The following ADAMTS20 variants were observed in gnomAD, a reference collection of about 807,000 sequenced individuals.
The protein encoded by ADAMTS20 is A disintegrin and metalloproteinase with thrombospondin motifs 20.
ADAMTS20 carries 225 observed loss-of-function variants against 260.1 expected under a neutral mutation model. The ratio of observed to expected loss-of-function variants is 0.87; its 90% CI spans 0.78 to 0.97. The LOEUF is 0.97. Among genes scored for constraint, ADAMTS20 ranks in the 50% least tolerant of loss-of-function variants. The pLI, the probability that ADAMTS20 is intolerant of heterozygous loss-of-function variation, is 0.00. For synonymous variants in ADAMTS20, 802 were observed against 769.5 expected, an observed-to-expected ratio of 1.04 and a Z score of -0.70; for missense variants, 2,400 against 2,337.7, an observed-to-expected ratio of 1.03 and a Z score of -0.55.
intron 11 of ADAMTS20, 107 bp from the exon 12 acceptor site, chr12:43,454,159 T>A (rs1008571164): frequency 8.0e-7 from 1 of 1,253,504 alleles, no homozygotes; most frequent in Non-Finnish European, 1.1e-6. Flanking sequence ...ACTAAACAAT[T>A]TGAAGCTAGC....
At chr12:43,441,397 T>G (rs1941663514) in intron 16 of ADAMTS20, among the ~76,000 whole-genome samples, 1 of 151,968 alleles carries the variant, frequency 6.6e-6, no homozygotes, top group Admixed American at 6.6e-5. Flanking sequence ...AAATATAAAA[T>G]TACATGTCAC....
intron 3 of ADAMTS20, among the ~76,000 whole-genome samples, chr12:43,516,508 G>A (rs2137473088): frequency 6.6e-6 from 1 of 152,326 alleles, no homozygotes; most frequent in Admixed American, 6.5e-5. Flanking sequence ...AGGAGCTACA[G>A]GGCTGATTAG....
At chr12:43,354,342 GGTATCT>G (rs1939699340) in intron 38 of ADAMTS20, 44 bp from the exon 39 acceptor site, 1 of 1,415,504 alleles carries the variant, frequency 7.1e-7, no homozygotes, top group Admixed American at 2.0e-5. Flanking sequence ...TATACAAGCT[GGTATCT>G]GTATGCAAAT....
chr12:43,377,796 G>A (rs567132426), intron 31 of ADAMTS20, among the ~76,000 whole-genome samples: 1 of 140,880 alleles, frequency 7.1e-6, no homozygotes, highest in South Asian at 2.2e-4. Context: ...TAGTGCCTGT[G>A]TGTGCGTGTG....
intron 3 of ADAMTS20, among the ~76,000 whole-genome samples, chr12:43,504,116 G>T (rs868066736): frequency 6.6e-6 from 1 of 152,076 alleles, no homozygotes; most frequent in African/African-American, 2.4e-5. Context: ...TCTGTTTTTA[G>T]TTCTTTGAGG....
chr12:43,470,418 T>G (rs544287874), intron 7 of ADAMTS20, among the ~76,000 whole-genome samples: 3 of 152,298 alleles, frequency 2.0e-5, no homozygotes, highest in South Asian at 4.1e-4. Context: ...TGTAAAAATA[T>G]GTATCAAATA....
chr12:43,358,470 C>T (rs1215196679), intron 37 of ADAMTS20, among the ~76,000 whole-genome samples: 1 of 152,152 alleles, frequency 6.6e-6, no homozygotes, highest in Non-Finnish European at 1.5e-5. Flanking sequence ...GACTGGCAGA[C>T]ATGGTGTCAA....
At chr12:43,486,337 C>T (rs1466028577) in intron 7 of ADAMTS20, among the ~76,000 whole-genome samples, 1 of 152,084 alleles carries the variant, frequency 6.6e-6, no homozygotes, top group East Asian at 1.9e-4. Context: ...AAAGAATACC[C>T]TATTTAATAA....
Position 43,532,112 on chromosome 12 carries a change from G to A in ADAMTS20, c.537C>T (p.His179=). 1 of 1,612,374 alleles carries A rather than the reference G, an allele frequency of 6.2e-7. No individual in the cohort carries two copies. ...GTCTGTATATAAGATGTGGCTTGTT[G>A]TGACCATCTTCATATTCATTCCCAT... ...KADGNEYEDG[H]NKPHLIYRQD... is the part of the protein sequence containing the mutation. The change falls in exon 3 of 39, where the codon CAC becomes CAT. Residue 179 remains histidine, a synonymous_variant. Coordinates refer to ENST00000389420, the MANE Select transcript of ADAMTS20 (RefSeq NM_025003.5).
At chr12:43,451,010 CA>C (rs1353280628) in intron 14 of ADAMTS20, among the ~76,000 whole-genome samples, 4 of 152,000 alleles carry the variant, frequency 2.6e-5, no homozygotes, top group Non-Finnish European at 5.9e-5. Context: ...TCACAATAGC[CA>C]AAATATGAAA....
intron 11 of ADAMTS20, among the ~76,000 whole-genome samples, chr12:43,458,459 G>A (rs1434579364): frequency 6.6e-6 from 1 of 152,104 alleles, no homozygotes; most frequent in African/African-American, 2.4e-5. Context: ...CAGCTAAAAT[G>A]TCCTCCTTGC....
chr12:43,507,870 A>G (rs923294639), intron 3 of ADAMTS20, among the ~76,000 whole-genome samples: 24 of 152,196 alleles, frequency 1.6e-4, no homozygotes, highest in African/African-American at 5.3e-4. Flanking sequence ...ATTATCCTTA[A>G]CAATCTAATG....
chr12:43,508,851 A>G (rs1333580610), intron 3 of ADAMTS20, among the ~76,000 whole-genome samples: 1 of 152,082 alleles, frequency 6.6e-6, no homozygotes, highest in African/African-American at 2.4e-5. Flanking sequence ...TATTCATTCT[A>G]TCTAACTAGG....
chr12:43,502,247 G>A lies in ADAMTS20; in HGVS notation c.772C>T (p.Pro258Ser). ...GTAACCATAATTTCAATGTATCTTG[G>A]ATATGATATAAGACGTTTTTTCCTG... is the stretch of plus-strand genomic sequence containing the variant. ...HSRKKRLISY[P>S]RYIEIMVTAD... The change falls in exon 4 of 39, where the codon CCA (proline) becomes TCA (serine). Residue 258 changes from proline to serine, a missense_variant. Transcript: ENST00000389420. 3 of 1,611,646 alleles carry A rather than the reference G, an allele frequency of 1.9e-6. No individual in the cohort carries two copies. The highest frequency in any genetic ancestry group is 2.5e-6 in the Non-Finnish European group (3 of 1,179,182).
chr12:43,386,072 C>T (rs1940469822), intron 29 of ADAMTS20, among the ~76,000 whole-genome samples: 1 of 152,046 alleles, frequency 6.6e-6, no homozygotes, highest in South Asian at 2.1e-4. Flanking sequence ...GGCTAGCGGT[C>T]TACCTATTTT....
At chr12:43,453,370 T>C (rs1321056116) in intron 12 of ADAMTS20, among the ~76,000 whole-genome samples, 1 of 152,156 alleles carries the variant, frequency 6.6e-6, no homozygotes. Flanking sequence ...ATTTAAAATC[T>C]TAATGCAATA....
chr12:43,431,435 T>A lies in ADAMTS20; in HGVS notation c.3158A>T (p.Asp1053Val), dbSNP rs753647535. Reference sequence around the variant, plus strand: ...ATTACAGAAGCCATCACTCAAGTGATCTACATTCAGCTGACACCATACCTG... The same window carrying A: ...ATTACAGAAGCCATCACTCAAGTGAACTACATTCAGCTGACACCATACCTG... ...QRQVWCQLNVDHLSDGFCNSS... is the reference protein window; with the variant it reads ...QRQVWCQLNVVHLSDGFCNSS... Residue 1053 changes from aspartate (D) to valine (V), a missense_variant, in exon 22 of 39, where the codon GAT (aspartate) becomes GTT (valine). By Grantham distance (152) the Asp-to-Val change is radical. Transcript: ENST00000389420. The A allele has an allele frequency of 1.9e-5, 30 of 1,613,854 alleles. No individual in the cohort carries two copies. The highest frequency in any genetic ancestry group is 2.4e-5 in the Non-Finnish European group (28 of 1,179,874).
At chr12:43,379,647 C>T (rs1283452012) in intron 31 of ADAMTS20, among the ~76,000 whole-genome samples, 1 of 152,202 alleles carries the variant, frequency 6.6e-6, no homozygotes, top group Non-Finnish European at 1.5e-5. Flanking sequence ...ACTGTCTAGT[C>T]ATAGCTGACA....
intron 11 of ADAMTS20, among the ~76,000 whole-genome samples, chr12:43,455,862 C>T (rs1156229603): frequency 6.6e-6 from 1 of 152,082 alleles, no homozygotes; most frequent in Non-Finnish European, 1.5e-5. Context: ...GCGCACGCCA[C>T]CACAACCCGC....
Sources: gnomAD v4.1 joint callset for allele counts (sites outside exome capture counted in the v4.1 genomes callset) on GRCh38, gnomAD v4.1.1 for gene constraint, MANE v1.5 for transcripts, NCBI Gene and HGNC (gene_info 2026-07-23, HGNC 2026-07-21) for gene names.